MDGA2: variants seen among roughly 807,000 people sequenced by gnomAD.
The protein encoded by MDGA2 is MAM domain-containing glycosylphosphatidylinositol anchor protein 2.
In MDGA2, 40 loss-of-function variants were observed where a neutral mutation model predicts 117.8. The observed-to-expected ratio is 0.34, with a 90% CI of 0.26 to 0.44. The LOEUF (loss-of-function observed/expected upper bound fraction) is 0.44, where lower values mean the gene tolerates loss of function less well. Ranked by LOEUF, MDGA2 falls within the 20% of genes least tolerant of loss-of-function variation. MDGA2 has a pLI of 1.00. For synonymous variants in MDGA2, 452 were observed against 439.0 expected, an observed-to-expected ratio of 1.03 and a Z score of -0.37; for missense variants, 1,123 against 1,250.6, an observed-to-expected ratio of 0.90 and a Z score of 1.54.
intron 1 of MDGA2, among the ~76,000 whole-genome samples, chr14:47,432,461 A>G (rs1892818526): frequency 6.6e-6 from 1 of 152,028 alleles, no homozygotes; most frequent in South Asian, 2.1e-4. Flanking sequence ...TCTGGCTCCT[A>G]TTTTATCTCC....
At chr14:47,042,391 TA>T (rs1566589190) in intron 7 of MDGA2, among the ~76,000 whole-genome samples, 1 of 151,114 alleles carries the variant, frequency 6.6e-6, no homozygotes, top group Admixed American at 6.6e-5. Flanking sequence ...AGAGATGGGT[TA>T]AAAAAATTGC....
chr14:47,190,343 C>T (rs1240586266), intron 3 of MDGA2, among the ~76,000 whole-genome samples: 4 of 152,104 alleles, frequency 2.6e-5, no homozygotes, highest in Admixed American at 1.3e-4. Context: ...TGACTTGGGT[C>T]GAAGGGCCTT....
chr14:47,153,939 C>T (rs1031027259), intron 3 of MDGA2, among the ~76,000 whole-genome samples: 2 of 152,076 alleles, frequency 1.3e-5, no homozygotes, highest in African/African-American at 4.8e-5. Flanking sequence ...AGAGTTGTGT[C>T]AGTGGAGTGA....
At chr14:47,015,847 C>A (rs1430282889) in intron 8 of MDGA2, among the ~76,000 whole-genome samples, 2 of 151,836 alleles carry the variant, frequency 1.3e-5, no homozygotes, top group Admixed American at 6.6e-5. Context: ...CCCCAAAATG[C>A]AGAATTACAG....
intron 1 of MDGA2, among the ~76,000 whole-genome samples, chr14:47,340,835 T>C (rs556492149): frequency 1.0e-3 from 152 of 152,312 alleles, no homozygotes; most frequent in African/African-American, 3.6e-3. Context: ...GAAATTTGTT[T>C]ATTTCAGAGA....
At chr14:47,336,932 ATCTGT>A (rs1890477825) in intron 1 of MDGA2, among the ~76,000 whole-genome samples, 1 of 151,990 alleles carries the variant, frequency 6.6e-6, no homozygotes, top group African/African-American at 2.4e-5. Context: ...CTTAATAATT[ATCTGT>A]TGAATGAATG....
At chr14:46,866,711 C>T (rs1267771857) in intron 14 of MDGA2, among the ~76,000 whole-genome samples, 2 of 151,712 alleles carry the variant, frequency 1.3e-5, no homozygotes, top group African/African-American at 4.8e-5. Context: ...AAAAAACAAC[C>T]CCATCAGAAA....
At chr14:47,062,005 A>G (rs892594260) in intron 6 of MDGA2, among the ~76,000 whole-genome samples, 5 of 152,036 alleles carry the variant, frequency 3.3e-5, no homozygotes, top group Admixed American at 2.6e-4. Context: ...ATAATTTTCC[A>G]AACAACTCAA....
chr14:47,223,297 A>G lies in MDGA2; in HGVS notation c.421-5102T>C, dbSNP rs138931170. 7.0e-3 allele frequency among the ~76,000 whole-genome samples: 1,062 copies of G among 152,278 alleles called. 15 individuals carry two copies. The highest frequency in any genetic ancestry group is 0.025 in the African/African-American group (1,027 of 41,562). On this transcript the variant is annotated intron_variant, in intron 2 of 16. Transcript: ENST00000399232. ...AAAGAATACACACAGGAAAATATAA[A>G]CCTTAAGTACCCTCTACATATTAAG...
chr14:47,604,508 C>T (rs1393162040), intron 1 of MDGA2, among the ~76,000 whole-genome samples: 1 of 139,778 alleles, frequency 7.2e-6, no homozygotes, highest in Non-Finnish European at 1.5e-5. Flanking sequence ...CCCTCACCCC[C>T]CTATAAAGAC....
chr14:47,445,954 T>G (rs549503858), intron 1 of MDGA2, among the ~76,000 whole-genome samples: 10 of 152,290 alleles, frequency 6.6e-5, no homozygotes, highest in African/African-American at 2.2e-4. Context: ...ATAATTTATT[T>G]CCATAACTCT....
intron 1 of MDGA2, among the ~76,000 whole-genome samples, chr14:47,324,232 G>A (rs138420146): frequency 8.8e-4 from 134 of 151,974 alleles, no homozygotes; most frequent in African/African-American, 2.9e-3. Flanking sequence ...GTGACAGAGT[G>A]AGACTCCATC....
In MDGA2 at chr14:47,232,660, C is replaced by T. The variant is rs573411664; in HGVS notation, c.421-14465G>A. ...ACAGCCCCCACTCTCCAAAAGTATGCTCCCTCCAGGGAATTACCTGTGGTA... is the reference window on the plus strand; with the variant it reads ...ACAGCCCCCACTCTCCAAAAGTATGTTCCCTCCAGGGAATTACCTGTGGTA... On this transcript the variant is annotated intron_variant, in intron 2 of 16. Transcript: ENST00000399232. Among the ~76,000 whole-genome samples the T allele has an allele frequency of 4.6e-5, 7 of 152,198 alleles. No homozygotes were observed. The East Asian group carries it at 1.4e-3, about 29-fold the overall frequency.
intron 8 of MDGA2, among the ~76,000 whole-genome samples, chr14:46,985,534 C>G (rs907585837): frequency 2.6e-5 from 4 of 152,016 alleles, no homozygotes; most frequent in African/African-American, 9.7e-5. Flanking sequence ...ACCTGAGTTA[C>G]TGCTACCCCA....
intron 1 of MDGA2, among the ~76,000 whole-genome samples, chr14:47,485,585 G>T (rs1894043286): frequency 6.6e-6 from 1 of 152,294 alleles, no homozygotes; most frequent in East Asian, 1.9e-4. Flanking sequence ...AATGTCTCCA[G>T]GGCATGTCAC....
At chr14:47,059,003 G>C (rs1889782633) in intron 7 of MDGA2, 1 of 997,900 alleles carries the variant, frequency 1.0e-6, no homozygotes, top group Non-Finnish European at 1.2e-6. Flanking sequence ...CTGTCTTTGG[G>C]AGTGATAAAA....
intron 1 of MDGA2, among the ~76,000 whole-genome samples, chr14:47,496,148 C>T (rs1332091438): frequency 3.3e-5 from 5 of 151,714 alleles, no homozygotes; most frequent in Middle Eastern, 3.2e-3. Flanking sequence ...AATTTTTGAA[C>T]CAAATGAATG....
intron 1 of MDGA2, among the ~76,000 whole-genome samples, chr14:47,349,547 C>A (rs1274988158): frequency 1.3e-5 from 2 of 152,178 alleles, no homozygotes; most frequent in African/African-American, 4.8e-5. Flanking sequence ...ACTATACTAT[C>A]TCCTTAAAAT....
In MDGA2 at chr14:47,173,921, C is replaced by A. The variant is rs1452931307; in HGVS notation, c.596-29647G>T. Among the ~76,000 whole-genome samples the A allele has an allele frequency of 3.3e-5, 5 of 152,060 alleles. No homozygotes were observed. The South Asian group carries it at 1.0e-3, about 31-fold the overall frequency. On this transcript the variant is annotated intron_variant, in intron 3 of 16. Transcript: ENST00000399232. ...GAAATCCAGCTCATGCGCAGAGACA[C>A]ACATAGGCTCAAAATAAAAGGATGG...
Sources: allele counts gnomAD v4.1 joint callset (sites outside exome capture counted in the v4.1 genomes callset), GRCh38; gene constraint gnomAD v4.1.1; transcripts MANE v1.5; gene names NCBI Gene and HGNC (gene_info 2026-07-23, HGNC 2026-07-21).